Variants in METRNL observed in about 807,000 individuals in gnomAD.
The protein encoded by METRNL is meteorin like, glial cell differentiation regulator.
METRNL carries 9 observed loss-of-function variants against 17.4 expected under a neutral mutation model. The ratio of observed to expected loss-of-function variants is 0.52; its 90% CI spans 0.31 to 0.90. The LOEUF is 0.90. Among genes scored for constraint, METRNL ranks in the 40% least tolerant of loss-of-function variants. METRNL has a pLI of 0.05. For synonymous variants in METRNL, 215 were observed against 199.3 expected (o/e 1.08, Z -0.66); for missense variants, 408 against 430.7 (o/e 0.95, Z 0.47).
At position 83,081,251 on chromosome 17, in the gene METRNL, CT is replaced by C. The variant is rs1272222978; in HGVS notation, c.170+1267del. 2.0e-5 allele frequency among the ~76,000 whole-genome samples: 3 copies of C among 152,150 alleles called. No homozygotes were observed. In the East Asian group the frequency reaches 5.8e-4, roughly 29 times the overall value. ...GCCGACGGCTCTTCTGGGGCCGCCC[CT>C]GCCCCCGCGGAGTGATTCAGCCCCG... On this transcript the variant is annotated intron_variant, in intron 1 of 3. Transcript: ENST00000320095.
At chr17:83,089,376 G>A (rs1021920549) in intron 2 of METRNL, among the ~76,000 whole-genome samples, 7 of 152,202 alleles carry the variant, frequency 4.6e-5, no homozygotes, top group Admixed American at 3.3e-4. Flanking sequence ...TCGGAACTGT[G>A]TGAGTCCCTC....
At chr17:83,092,145 T>C (rs2038145521) in intron 2 of METRNL, among the ~76,000 whole-genome samples, 1 of 152,196 alleles carries the variant, frequency 6.6e-6, no homozygotes, top group South Asian at 2.1e-4. Flanking sequence ...GTTCAGGGGC[T>C]TCAGAGGGGG....
intron 1 of METRNL, among the ~76,000 whole-genome samples, chr17:83,081,017 C>T (rs1317872016): frequency 6.6e-6 from 1 of 151,722 alleles, no homozygotes; most frequent in Non-Finnish European, 1.5e-5. Context: ...TTCCGGGTCC[C>T]CGCGAAGCCA....
chr17:83,081,976 T>C (rs986681882), intron 1 of METRNL: 1 of 561,386 alleles, frequency 1.8e-6, no homozygotes, highest in African/African-American at 2.0e-5. Context: ...GCTGGTGTGC[T>C]GGGTGGATTC....
chr17:83,089,928 T>A (rs1261804763), intron 2 of METRNL, among the ~76,000 whole-genome samples: 1 of 151,020 alleles, frequency 6.6e-6, no homozygotes. Context: ...CCCACACCCC[T>A]GCCGTCAGCC....
chr17:83,087,620 G>A (rs562389101), intron 2 of METRNL, among the ~76,000 whole-genome samples: 3 of 152,222 alleles, frequency 2.0e-5, no homozygotes, highest in African/African-American at 4.8e-5. Context: ...GTGGAATGTC[G>A]GTGCCGGCCG....
chr17:83,082,200 GT>G (rs2037998003), intron 1 of METRNL: 1 of 985,330 alleles, frequency 1.0e-6, no homozygotes, highest in African/African-American at 1.7e-5. Flanking sequence ...GGCATCGCAG[GT>G]GCGGTCACAC....
intron 1 of METRNL, among the ~76,000 whole-genome samples, chr17:83,081,435 C>T (rs548369655): frequency 1.3e-5 from 2 of 152,116 alleles, no homozygotes; most frequent in Non-Finnish European, 2.9e-5. Context: ...GGACTGTGTG[C>T]CCGGTAGGAG....
intron 3 of METRNL, 130 bp downstream of exon 3, chr17:83,093,356 GCA>G (rs1172261813): frequency 4.8e-5 from 35 of 734,846 alleles, no homozygotes; most frequent in Admixed American, 4.6e-4. Flanking sequence ...TCCTGGAGGG[GCA>G]CACGCTGTGG....
At chr17:83,093,317 AG>A in intron 3 of METRNL, 91 bp downstream of exon 3, 1 of 1,118,408 alleles carries the variant, frequency 8.9e-7, no homozygotes, top group Non-Finnish European at 1.3e-6. Context: ...TTCAGGGCCC[AG>A]GACAGCCTTC....
intron 1 of METRNL, chr17:83,082,105 G>A: frequency 2.0e-6 from 2 of 985,250 alleles, no homozygotes; most frequent in Non-Finnish European, 2.4e-6. Context: ...TCCCTTCCGT[G>A]GGGGGAGGCG....
intron 2 of METRNL, among the ~76,000 whole-genome samples, chr17:83,086,580 G>C (rs981379834): frequency 1.1e-4 from 16 of 152,364 alleles, no homozygotes; most frequent in Non-Finnish European, 2.2e-4. Flanking sequence ...CAAGCTCCAA[G>C]TTCAGTCTTT....
At chr17:83,086,455 C>T (rs1258200473) in intron 2 of METRNL, among the ~76,000 whole-genome samples, 2 of 152,112 alleles carry the variant, frequency 1.3e-5, no homozygotes, top group Non-Finnish European at 2.9e-5. Flanking sequence ...ACCACGGCGG[C>T]CTTTATCTTG....
intron 3 of METRNL, 104 bp from the exon 4 acceptor site, chr17:83,094,152 T>G: frequency 3.1e-6 from 3 of 971,578 alleles, no homozygotes; most frequent in Non-Finnish European, 3.0e-6. Flanking sequence ...GGGGGTCAGC[T>G]GCCCGTTCCA....
intron 1 of METRNL, among the ~76,000 whole-genome samples, chr17:83,081,307 CAT>C (rs1455639787): frequency 6.6e-6 from 1 of 152,154 alleles, no homozygotes; most frequent in Non-Finnish European, 1.5e-5. Context: ...CGGGTCGGTG[CAT>C]CCCCGAACCG....
At chr17:83,089,151 A>T (rs189471497) in intron 2 of METRNL, among the ~76,000 whole-genome samples, 36 of 152,236 alleles carry the variant, frequency 2.4e-4, no homozygotes, top group African/African-American at 8.4e-4. Context: ...CGCGACGGTG[A>T]TGATGGTGGC....
intron 2 of METRNL, among the ~76,000 whole-genome samples, chr17:83,090,761 G>A (rs1260871374): frequency 1.3e-5 from 2 of 151,746 alleles, no homozygotes; most frequent in African/African-American, 2.4e-5. Context: ...TGGCCCTGTG[G>A]TACGGGGCAG....
chr17:83,079,839 C>A lies in METRNL; in HGVS notation c.24C>A (p.Ala8=), dbSNP rs184450074. The A allele has an allele frequency of 0.11, 104,185 of 973,442 alleles. 5,730 individuals are homozygous for A. The highest frequency in any genetic ancestry group is 0.16 in the South Asian group (3,528 of 21,542). The allele number at this position is 973,442 out of a possible 1,614,324, so 60.3% of individuals were successfully genotyped here. Residue 8 remains alanine (A), a synonymous_variant, in exon 1 of 4, where the codon GCC becomes GCA. Coordinates refer to ENST00000320095, the MANE Select transcript of METRNL (RefSeq NM_001004431.3). ...GCATGCGGGGCGCGGCGCGGGCGGCCTGGGGGCGCGCGGGGCAGCCGTGGC... is the reference window on the plus strand; with the variant it reads ...GCATGCGGGGCGCGGCGCGGGCGGCATGGGGGCGCGCGGGGCAGCCGTGGC... MRGAARA[A]WGRAGQPWPR...
intron 3 of METRNL, among the ~76,000 whole-genome samples, chr17:83,093,960 G>T (rs556532128): frequency 1.1e-3 from 163 of 152,358 alleles, no homozygotes; most frequent in Non-Finnish European, 1.1e-3. Context: ...ACACAGAACT[G>T]CAGGGGCACC....
Sources: allele counts gnomAD v4.1 joint callset (sites outside exome capture counted in the v4.1 genomes callset), GRCh38; gene constraint gnomAD v4.1.1; transcripts MANE v1.5; gene names NCBI Gene and HGNC (gene_info 2026-07-23, HGNC 2026-07-21).